Variants in DRC9 observed in about 807,000 individuals in gnomAD.
DRC9 encodes the protein dynein regulatory complex protein 9.
At chr3:197,960,092 A>G in the DRC9 span, 3 of 759,516 alleles carry the variant, frequency 3.9e-6, no homozygotes, top group Non-Finnish European at 6.2e-6. Flanking sequence ...CGCCGCCCTC[A>G]TCTTCTGCGG....
At chr3:197,926,224 TCAG>T in the DRC9 span, 3 of 647,088 alleles carry the variant, frequency 4.6e-6, no homozygotes, top group Non-Finnish European at 8.4e-6. Context: ...AGAATCTGAC[TCAG>T]CAGGTCTGGG....
the DRC9 span, among the ~76,000 whole-genome samples, chr3:197,915,619 G>A: frequency 6.6e-6 from 1 of 151,936 alleles, no homozygotes; most frequent in African/African-American, 2.4e-5. Context: ...GATACCAACC[G>A]CCTTTCTTCT....
chr3:197,935,550 C>T, the DRC9 span, among the ~76,000 whole-genome samples: 4 of 152,194 alleles, frequency 2.6e-5, no homozygotes, highest in Non-Finnish European at 5.9e-5. Flanking sequence ...GTGGCATGAT[C>T]GTAACTCACT....
the DRC9 span, among the ~76,000 whole-genome samples, chr3:197,937,344 G>A: frequency 6.6e-6 from 1 of 152,128 alleles, no homozygotes; most frequent in East Asian, 1.9e-4. Flanking sequence ...AATAATAATA[G>A]CTATATAGTA....
the DRC9 span, chr3:197,932,067 C>T: frequency 3.0e-5 from 37 of 1,225,422 alleles, 1 homozygote; most frequent in South Asian, 4.5e-4. Flanking sequence ...TAGTTATCTT[C>T]CCTGGAAAGC....
At chr3:197,912,868 G>T in the DRC9 span, 8 of 797,562 alleles carry the variant, frequency 1.0e-5, no homozygotes, top group Non-Finnish European at 1.5e-5. Flanking sequence ...TGGGATCCCG[G>T]GCTTTCAGTT....
At chr3:197,908,734 T>C in the DRC9 span, among the ~76,000 whole-genome samples, 3 of 147,980 alleles carry the variant, frequency 2.0e-5, no homozygotes, top group South Asian at 4.4e-4. Flanking sequence ...CGAGCAACCC[T>C]TTCCCAGGCA....
chr3:197,952,046 TTA>T, the DRC9 span, among the ~76,000 whole-genome samples: 1 of 152,194 alleles, frequency 6.6e-6, no homozygotes, highest in African/African-American at 2.4e-5. Flanking sequence ...AGGTAATTCC[TTA>T]TATTGTGATC....
At chr3:197,952,136 A>G in the DRC9 span, among the ~76,000 whole-genome samples, 36 of 117,662 alleles carry the variant, frequency 3.1e-4, no homozygotes, top group African/African-American at 9.1e-4. Flanking sequence ...TGCTTAATGC[A>G]TTTTGTTAAT....
the DRC9 span, among the ~76,000 whole-genome samples, chr3:197,919,494 C>T: frequency 1.3e-5 from 2 of 152,202 alleles, no homozygotes; most frequent in Non-Finnish European, 2.9e-5. Context: ...GAACCTTCCT[C>T]GTGGTCAGGT....
the DRC9 span, among the ~76,000 whole-genome samples, chr3:197,932,719 TG>T: frequency 6.7e-6 from 1 of 148,206 alleles, no homozygotes; most frequent in Non-Finnish European, 1.5e-5. Flanking sequence ...TCCAGCTACT[TG>T]GGAGGCTGAG....
the DRC9 span, among the ~76,000 whole-genome samples, chr3:197,898,536 T>C: frequency 1.3e-5 from 2 of 152,224 alleles, no homozygotes; most frequent in African/African-American, 4.8e-5. Flanking sequence ...GGTGTATTAG[T>C]CTGTTCTCAT....
chr3:197,890,915 G>C, the DRC9 span, among the ~76,000 whole-genome samples: 3 of 152,252 alleles, frequency 2.0e-5, no homozygotes, highest in East Asian at 5.8e-4. Flanking sequence ...GACAGGTGCC[G>C]TCCAGCTTTC....
the DRC9 span, chr3:197,950,245 A>G: frequency 8.9e-6 from 11 of 1,230,636 alleles, no homozygotes; most frequent in Non-Finnish European, 1.0e-5. Context: ...CTGCTGCTGA[A>G]ATTTGGGGGC....
chr3:197,953,594 C>T, the DRC9 span: 1 of 458,118 alleles, frequency 2.2e-6, no homozygotes, highest in African/African-American at 2.0e-5. Flanking sequence ...TGGCATTTCC[C>T]CTCCCTTTCC....
At chr3:197,960,078 T>C in the DRC9 span, 9 of 676,080 alleles carry the variant, frequency 1.3e-5, no homozygotes, top group South Asian at 1.4e-4. Context: ...GCGATGGACG[T>C]GATCGCCGCC....
the DRC9 span, chr3:197,956,168 G>C: frequency 4.3e-6 from 1 of 235,124 alleles, no homozygotes; most frequent in Non-Finnish European, 8.5e-6. Context: ...GCCTATGCTG[G>C]CTTCAAACTC....
the DRC9 span, among the ~76,000 whole-genome samples, chr3:197,935,439 C>CA: frequency 0.06 from 5,678 of 94,626 alleles, 191 homozygotes; most frequent in African/African-American, 0.17. Context: ...ACTCTGTCTC[C>CA]AAAAAAAAAA....
chr3:197,944,649 C>T, the DRC9 span, among the ~76,000 whole-genome samples: 1 of 152,064 alleles, frequency 6.6e-6, no homozygotes, highest in African/African-American at 2.4e-5. Flanking sequence ...GTGGTTTCAC[C>T]GTGTTAGCCA....
Sources: gnomAD v4.1 joint callset for allele counts (sites outside exome capture counted in the v4.1 genomes callset) on GRCh38, gnomAD v4.1.1 for gene constraint, MANE v1.5 for transcripts, NCBI Gene and HGNC (gene_info 2026-07-23, HGNC 2026-07-21) for gene names.